Variants in PPFIA2 observed in about 807,000 individuals in gnomAD.
PPFIA2 encodes PPFI scaffold protein A2, also known as liprin-alpha-2.
PPFIA2 carries 46 observed loss-of-function variants against 175.5 expected under a neutral mutation model. That is an observed-to-expected ratio of 0.26 (90% confidence interval 0.21 to 0.34). The LOEUF is 0.34. Ranked by LOEUF, PPFIA2 falls within the 10% of genes least tolerant of loss-of-function variation. PPFIA2 has a pLI of 1.00. For synonymous variants in PPFIA2, 568 were observed against 511.4 expected, an observed-to-expected ratio of 1.11 and a Z score of -1.49; for missense variants, 1,179 against 1,506.1, an observed-to-expected ratio of 0.78 and a Z score of 3.60.
intron 3 of PPFIA2, among the ~76,000 whole-genome samples, chr12:81,726,024 A>G (rs2080030156): frequency 6.6e-6 from 1 of 151,038 alleles, no homozygotes; most frequent in African/African-American, 2.4e-5. Flanking sequence ...TTCACTTTCA[A>G]TGGATGCCCT....
At chr12:81,660,879 T>G (rs2068717422) in intron 4 of PPFIA2, among the ~76,000 whole-genome samples, 1 of 151,958 alleles carries the variant, frequency 6.6e-6, no homozygotes, top group Admixed American at 6.6e-5. Context: ...CAGATGAGAG[T>G]GGGGGCCAAT....
chr12:81,512,230 T>C (rs2065542678), intron 4 of PPFIA2: 2 of 976,496 alleles, frequency 2.0e-6, no homozygotes, highest in Admixed American at 2.4e-5. Flanking sequence ...CCTTAACGGC[T>C]CCCTAATGCC....
chr12:81,484,059 C>T (rs926554560), intron 4 of PPFIA2, among the ~76,000 whole-genome samples: 14 of 151,730 alleles, frequency 9.2e-5, no homozygotes, highest in Non-Finnish European at 1.9e-4. Context: ...AGGACACTGA[C>T]AAAAAAATAA....
At chr12:81,726,556 T>C (rs1325955071) in intron 3 of PPFIA2, among the ~76,000 whole-genome samples, 1 of 151,366 alleles carries the variant, frequency 6.6e-6, no homozygotes, top group African/African-American at 2.4e-5. Flanking sequence ...AGTTTGGGAA[T>C]GTTCATAGTT....
intron 4 of PPFIA2, among the ~76,000 whole-genome samples, chr12:81,628,411 C>G (rs11114946): frequency 0.068 from 8,725 of 128,360 alleles, 388 homozygotes; most frequent in East Asian, 0.24. Context: ...ATGGCTCACT[C>G]TGTCACCCAG....
intron 8 of PPFIA2, among the ~76,000 whole-genome samples, chr12:81,384,511 T>TA (rs2038486439): frequency 6.6e-6 from 1 of 152,062 alleles, no homozygotes; most frequent in East Asian, 1.9e-4. Flanking sequence ...AAACATAGCA[T>TA]AAAACATTGA....
chr12:81,642,713 TGTATTATA>T lies in PPFIA2; in HGVS notation c.303+34070_303+34077del, dbSNP rs2065279691. Among the ~76,000 whole-genome samples the T allele has an allele frequency of 4.1e-5, 4 of 98,096 alleles. 2 individuals are homozygous for T. The highest frequency in any genetic ancestry group is 1.4e-4 in the African/African-American group (4 of 29,184). The allele number at this position is 98,096 out of a possible 152,430, so 64.4% of individuals were successfully genotyped here. A position where few individuals can be genotyped will look rare whatever the true frequency, so the allele number is the denominator to read the frequency against. The stretch of plus-strand genomic sequence containing the variant: ...ATATACATACATGTATATGTATGTA[TGTATTATA>T]TACATACATGTATATGTATGTATGT... On this transcript the variant is annotated intron_variant, in intron 4 of 32. Transcript: ENST00000549396.
intron 28 of PPFIA2, among the ~76,000 whole-genome samples, chr12:81,272,534 CAT>C (rs139005819): frequency 0.065 from 9,922 of 152,218 alleles, 425 homozygotes; most frequent in Middle Eastern, 0.1. Flanking sequence ...ATTTGTTAAA[CAT>C]ATTGATTCCA....
At chr12:81,695,917 T>TC (rs1405709193) in intron 3 of PPFIA2, among the ~76,000 whole-genome samples, 1 of 152,026 alleles carries the variant, frequency 6.6e-6, no homozygotes, top group Non-Finnish European at 1.5e-5. Flanking sequence ...ATAAGCAGTA[T>TC]CCCCCCAAAA....
chr12:81,685,433 G>C (rs1158564948), intron 3 of PPFIA2, among the ~76,000 whole-genome samples: 3 of 152,010 alleles, frequency 2.0e-5, no homozygotes, highest in African/African-American at 7.2e-5. Context: ...CAAAAAAAGG[G>C]GAAATATCTC....
intron 7 of PPFIA2, among the ~76,000 whole-genome samples, chr12:81,415,392 T>G (rs1467825452): frequency 6.7e-6 from 1 of 148,398 alleles, no homozygotes; most frequent in Non-Finnish European, 1.5e-5. Context: ...TCCCAATTCC[T>G]ATACAGATAA....
chr12:81,641,713 C>A (rs576281440), intron 4 of PPFIA2, among the ~76,000 whole-genome samples: 1 of 152,148 alleles, frequency 6.6e-6, no homozygotes, highest in Non-Finnish European at 1.5e-5. Flanking sequence ...GCCAAGTTCA[C>A]CTGAGCCTTG....
At chr12:81,687,243 T>C (rs2074554920) in intron 3 of PPFIA2, among the ~76,000 whole-genome samples, 1 of 152,092 alleles carries the variant, frequency 6.6e-6, no homozygotes. Flanking sequence ...TGGTTTTCCA[T>C]TGTCATCATA....
chr12:81,425,492 G>A (rs1038693331), intron 7 of PPFIA2, among the ~76,000 whole-genome samples: 3 of 152,098 alleles, frequency 2.0e-5, no homozygotes, highest in African/African-American at 7.2e-5. Context: ...CTACAGGCCT[G>A]TGCCACCATG....
chr12:81,345,285 T>C lies in PPFIA2; in HGVS notation c.2233-592A>G, dbSNP rs1349656370. On this transcript the variant is annotated intron_variant, in intron 18 of 32. Transcript: ENST00000549396. ...AAATATACAATTGATGACAGAATTA[T>C]ATTAGGTGTTAAGGACTTCCTGGAT... 2.6e-5 allele frequency among the ~76,000 whole-genome samples: 4 copies of C among 152,154 alleles called. No individual in the cohort carries two copies. The South Asian group carries it at 6.2e-4, about 24-fold the overall frequency.
In PPFIA2 at chr12:81,341,179, C is replaced by G. The variant is rs752239637; in HGVS notation, c.2292G>C (p.Glu764Asp). ...TTTCACATTTAATTGTTGCTTTGTC[C>G]TCTCGACCATCTTCTTCCACAACTG... Reference protein sequence around the residue: ...KIAVVEEDGREDKATIKCETS... With the variant: ...KIAVVEEDGRDDKATIKCETS... Residue 764 changes from glutamate to aspartate, a missense_variant, in exon 20 of 33, where the codon GAG becomes GAC. By Grantham distance (45) the Glu-to-Asp change is conservative. Transcript: ENST00000549396. The G allele has an allele frequency of 1.2e-6, 2 of 1,611,898 alleles. No individual in the cohort carries two copies. The highest frequency in any genetic ancestry group is 4.5e-5 in the East Asian group (2 of 44,828).
At chr12:81,625,811 T>C (rs1294555572) in intron 4 of PPFIA2, among the ~76,000 whole-genome samples, 1 of 148,856 alleles carries the variant, frequency 6.7e-6, no homozygotes, top group African/African-American at 2.4e-5. Context: ...TTCCTTCTAC[T>C]TTTACTTCCT....
chr12:81,507,816 A>T (rs2061340033), intron 4 of PPFIA2, among the ~76,000 whole-genome samples: 1 of 152,210 alleles, frequency 6.6e-6, no homozygotes, highest in Non-Finnish European at 1.5e-5. Flanking sequence ...TCAGTTTTAG[A>T]TGGAGAAAAA....
intron 3 of PPFIA2, among the ~76,000 whole-genome samples, chr12:81,707,159 A>C (rs2153609727): frequency 6.6e-6 from 1 of 152,358 alleles, no homozygotes; most frequent in South Asian, 2.1e-4. Context: ...ACAAAAGCCA[A>C]AATTGACAAA....
Sources: gnomAD v4.1 joint callset for allele counts (sites outside exome capture counted in the v4.1 genomes callset) on GRCh38, gnomAD v4.1.1 for gene constraint, MANE v1.5 for transcripts, NCBI Gene and HGNC (gene_info 2026-07-23, HGNC 2026-07-21) for gene names.